Variants in MYO16 observed in about 807,000 individuals in gnomAD.
The protein encoded by MYO16 is myosin XVI, also known as unconventional myosin-XVI.
In MYO16, 94 loss-of-function variants were observed where a neutral mutation model predicts 205.3. The observed-to-expected ratio is 0.46, with a 90% CI of 0.39 to 0.54. The LOEUF (loss-of-function observed/expected upper bound fraction) is 0.54, where lower values mean the gene tolerates loss of function less well. MYO16 is among the 20% of genes least tolerant of loss of function. The probability of loss-of-function intolerance (pLI) is 0.00; values close to 1 mark genes in which losing one functional copy is unlikely to be tolerated. For missense variants in MYO16, 2,315 were observed against 2,387.5 expected (o/e 0.97, Z 0.63); for synonymous variants, 988 against 954.0 (o/e 1.04, Z -0.66).
intron 12 of MYO16, among the ~76,000 whole-genome samples, chr13:108,879,329 G>A (rs2139158112): frequency 6.6e-6 from 1 of 152,246 alleles, no homozygotes; most frequent in Admixed American, 6.5e-5. Flanking sequence ...TGTAAAATGT[G>A]TAGATAAATT....
At chr13:109,181,826 A>T (rs181040945) in intron 34 of MYO16, among the ~76,000 whole-genome samples, 18,379 of 144,300 alleles carry the variant, frequency 0.13, 1,493 homozygotes, top group African/African-American at 0.24. Context: ...ATTTTATTTT[A>T]TTTTTTTTTT....
intron 27 of MYO16, among the ~76,000 whole-genome samples, chr13:109,094,575 T>G (rs1278616295): frequency 6.6e-6 from 1 of 152,218 alleles, no homozygotes; most frequent in African/African-American, 2.4e-5. Flanking sequence ...GTACAAAACG[T>G]ACAGGTTTGT....
At chr13:108,698,205 A>T (rs1029215533) in intron 2 of MYO16, among the ~76,000 whole-genome samples, 1 of 152,182 alleles carries the variant, frequency 6.6e-6, no homozygotes, top group Admixed American at 6.5e-5. Context: ...CTGGGGTCAG[A>T]TGTCCAGGTC....
At chr13:109,031,283 G>A (rs966391473) in intron 23 of MYO16, among the ~76,000 whole-genome samples, 6 of 151,920 alleles carry the variant, frequency 3.9e-5, no homozygotes, top group South Asian at 2.1e-4. Flanking sequence ...ATAGGGATGG[G>A]GTTTCACCAT....
intron 1 of MYO16, among the ~76,000 whole-genome samples, chr13:108,636,359 TTTTTTTTTTTTGTG>T (rs1161168616): frequency 6.5e-4 from 63 of 96,972 alleles, no homozygotes; most frequent in African/African-American, 2.2e-3. Flanking sequence ...TTTTTTTTTT[TTTTTTTTTTTTGTG>T]TGTGTGTGTG....
At chr13:108,930,881 T>C (rs1882228072) in intron 16 of MYO16, among the ~76,000 whole-genome samples, 3 of 152,196 alleles carry the variant, frequency 2.0e-5, no homozygotes, top group South Asian at 2.1e-4. Flanking sequence ...AAAGTAAACA[T>C]ATGCAAAATT....
At chr13:109,174,025 G>C (rs1044917277) in intron 33 of MYO16, among the ~76,000 whole-genome samples, 2 of 150,376 alleles carry the variant, frequency 1.3e-5, no homozygotes, top group African/African-American at 4.9e-5. Context: ...ATTGGAAACT[G>C]AGTTTGGGGG....
At chr13:109,166,207 C>T (rs1211249772) in intron 33 of MYO16, among the ~76,000 whole-genome samples, 1 of 152,164 alleles carries the variant, frequency 6.6e-6, no homozygotes, top group Non-Finnish European at 1.5e-5. Flanking sequence ...TATGTTTACT[C>T]AGCCCCCCAC....
intron 32 of MYO16, among the ~76,000 whole-genome samples, chr13:109,152,589 T>C (rs1417453075): frequency 6.6e-6 from 1 of 152,190 alleles, no homozygotes; most frequent in African/African-American, 2.4e-5. Context: ...CTTTTTAATC[T>C]GATGATCATT....
intron 34 of MYO16, among the ~76,000 whole-genome samples, chr13:109,186,690 T>C (rs1879704507): frequency 6.6e-6 from 1 of 152,142 alleles, no homozygotes. Context: ...TTGGAAACTT[T>C]TCTGAGAAAC....
chr13:108,713,774 C>T (rs1016913237), intron 3 of MYO16, among the ~76,000 whole-genome samples: 3 of 152,226 alleles, frequency 2.0e-5, no homozygotes, highest in Non-Finnish European at 2.9e-5. Context: ...GACAGTTTGC[C>T]AAAGAATATA....
intron 16 of MYO16, among the ~76,000 whole-genome samples, chr13:108,946,059 T>C (rs1395757967): frequency 6.6e-6 from 1 of 152,172 alleles, no homozygotes; most frequent in East Asian, 1.9e-4. Flanking sequence ...GTTTGTCTAA[T>C]TATCTTATCA....
At chr13:108,772,814 G>A (rs1055160757) in intron 4 of MYO16, among the ~76,000 whole-genome samples, 1 of 152,134 alleles carries the variant, frequency 6.6e-6, no homozygotes, top group African/African-American at 2.4e-5. Flanking sequence ...TTGTGCATGT[G>A]TGTCGGGGGA....
chr13:108,533,206 A>G, the MYO16 span, among the ~76,000 whole-genome samples: 2 of 152,132 alleles, frequency 1.3e-5, no homozygotes, highest in African/African-American at 4.8e-5. Flanking sequence ...TGTGTAGTCA[A>G]GGATTTGGCC....
intron 16 of MYO16, among the ~76,000 whole-genome samples, chr13:108,937,258 TTCTC>T (rs150467520): frequency 0.011 from 1,682 of 149,456 alleles, 26 homozygotes; most frequent in African/African-American, 0.035. Flanking sequence ...TGATCTGCTT[TTCTC>T]TCTCTCTCTC....
At chr13:109,030,306 A>T (rs1886508778) in intron 23 of MYO16, among the ~76,000 whole-genome samples, 1 of 152,194 alleles carries the variant, frequency 6.6e-6, no homozygotes, top group Non-Finnish European at 1.5e-5. Context: ...CAAACCTCAG[A>T]TAGAAAGCTG....
intron 29 of MYO16, among the ~76,000 whole-genome samples, chr13:109,122,917 G>A (rs1019501582): frequency 2.0e-5 from 3 of 152,018 alleles, no homozygotes; most frequent in African/African-American, 7.2e-5. Context: ...TCCAGTTGTT[G>A]TTTTAAGAAT....
At chr13:108,594,612 ATT>A (rs1414120664), upstream of MYO16, among the ~76,000 whole-genome samples, 1 of 152,214 alleles carries the variant, frequency 6.6e-6, no homozygotes, top group African/African-American at 2.4e-5. Context: ...CTGCACTGGA[ATT>A]CCTCAATTCC....
At chr13:108,911,157 G>A (rs1445723877) in intron 16 of MYO16, among the ~76,000 whole-genome samples, 4 of 151,930 alleles carry the variant, frequency 2.6e-5, no homozygotes, top group Non-Finnish European at 4.4e-5. Flanking sequence ...TTGGCGGGGG[G>A]CAACTTCCCC....
Sources: allele counts gnomAD v4.1 joint callset (sites outside exome capture counted in the v4.1 genomes callset), GRCh38; gene constraint gnomAD v4.1.1; transcripts MANE v1.5; gene names NCBI Gene and HGNC (gene_info 2026-07-23, HGNC 2026-07-21).